NT5DC1: variants seen among roughly 807,000 people sequenced by gnomAD.
NT5DC1 encodes the protein 5'-nucleotidase domain-containing protein 1.
Under a neutral mutation model 59.4 loss-of-function variants are expected in NT5DC1, and 42 were observed. The ratio of observed to expected loss-of-function variants is 0.71; its 90% CI spans 0.55 to 0.92. The LOEUF is 0.92. NT5DC1 is among the 40% of genes least tolerant of loss of function. NT5DC1 has a pLI of 0.00. For synonymous variants in NT5DC1, 172 were observed against 188.1 expected, an observed-to-expected ratio of 0.91 and a Z score of 0.70; for missense variants, 501 against 537.1, an observed-to-expected ratio of 0.93 and a Z score of 0.66.
intron 1 of NT5DC1, among the ~76,000 whole-genome samples, chr6:116,103,861 G>T (rs932547841): frequency 6.6e-6 from 1 of 152,140 alleles, no homozygotes; most frequent in Non-Finnish European, 1.5e-5. Context: ...GTGAGTGGGA[G>T]AGTGGGGTCC....
chr6:116,115,986 A>G (rs1481453397), intron 5 of NT5DC1, among the ~76,000 whole-genome samples: 4 of 152,078 alleles, frequency 2.6e-5, no homozygotes, highest in South Asian at 2.1e-4. Flanking sequence ...AAATAAACCT[A>G]TTCTCCAGCA....
intron 6 of NT5DC1, among the ~76,000 whole-genome samples, chr6:116,160,389 T>A (rs111270010): frequency 4.6e-4 from 70 of 152,308 alleles, no homozygotes; most frequent in African/African-American, 1.7e-3. Context: ...ATTTTCCATA[T>A]GTTTGTTGGT....
intron 6 of NT5DC1, among the ~76,000 whole-genome samples, chr6:116,170,018 G>A (rs778099043): frequency 2.0e-5 from 3 of 152,290 alleles, no homozygotes; most frequent in African/African-American, 4.8e-5. Context: ...TAGAAAGACA[G>A]TTAATTGGCC....
intron 6 of NT5DC1, among the ~76,000 whole-genome samples, chr6:116,172,086 C>T (rs1472334723): frequency 6.6e-6 from 1 of 152,122 alleles, no homozygotes. Context: ...GTGTTTTTTC[C>T]ATCTGTAAGT....
At chr6:116,121,619 G>C in intron 6 of NT5DC1, 1 of 1,613,908 alleles carries the variant, frequency 6.2e-7, no homozygotes. Flanking sequence ...GGGTCCTGGG[G>C]CTCCTGTGGG....
chr6:116,141,885 AACACACAC>A lies in NT5DC1; in HGVS notation c.529+23975_529+23982del, dbSNP rs3051942. 4.9e-3 allele frequency among the ~76,000 whole-genome samples: 688 copies of A among 140,386 alleles called. 2 individuals carry two copies. The highest frequency in any genetic ancestry group is 8.3e-3 in the African/African-American group (311 of 37,466). 92.1% of individuals were successfully genotyped at this position (140,386 alleles called of 152,430 possible). A position where few individuals can be genotyped will look rare whatever the true frequency, so the allele number is the denominator to read the frequency against. ...GTAAAAGATTTTCTGCCAAAAAGAAAACACACACACACACACACACACACACACACACA... is the reference window on the plus strand; with the variant it reads ...GTAAAAGATTTTCTGCCAAAAAGAAAACACACACACACACACACACACACA... On this transcript the variant is annotated intron_variant, in intron 6 of 11. Coordinates refer to ENST00000319550, the MANE Select transcript of NT5DC1 (RefSeq NM_152729.3).
chr6:116,200,025 G>A (rs1395445043), intron 6 of NT5DC1, among the ~76,000 whole-genome samples: 2 of 151,592 alleles, frequency 1.3e-5, no homozygotes, highest in African/African-American at 4.9e-5. Context: ...ACTTTGCAGT[G>A]GGGCAACCTG....
intron 6 of NT5DC1, among the ~76,000 whole-genome samples, chr6:116,180,558 G>GA (rs1285467951): frequency 5.3e-5 from 8 of 152,144 alleles, no homozygotes; most frequent in African/African-American, 1.9e-4. Context: ...CACAAAGAAA[G>GA]AAACATTCAG....
At chr6:116,114,265 C>T (rs1295667244) in intron 4 of NT5DC1, among the ~76,000 whole-genome samples, 2 of 151,756 alleles carry the variant, frequency 1.3e-5, no homozygotes, top group Non-Finnish European at 2.9e-5. Context: ...TTTTTTTATA[C>T]ATTTTAAAAT....
At chr6:116,191,276 C>G (rs915916424) in intron 6 of NT5DC1, among the ~76,000 whole-genome samples, 1 of 152,016 alleles carries the variant, frequency 6.6e-6, no homozygotes, top group African/African-American at 2.4e-5. Flanking sequence ...GGACAAGTTG[C>G]TTCAAGATGC....
At chr6:116,161,336 T>A (rs1780325626) in intron 6 of NT5DC1, among the ~76,000 whole-genome samples, 1 of 151,628 alleles carries the variant, frequency 6.6e-6, no homozygotes, top group Non-Finnish European at 1.5e-5. Flanking sequence ...AAACTTAAAG[T>A]ATAATAATAA....
intron 6 of NT5DC1, among the ~76,000 whole-genome samples, chr6:116,161,011 A>C (rs1286163388): frequency 6.6e-6 from 1 of 152,080 alleles, no homozygotes; most frequent in African/African-American, 2.4e-5. Context: ...CTATGCAGCC[A>C]TAAAAAATGA....
At chr6:116,241,939 CAAAACAAAAAAAAAAAAAAACAAAG>C (rs1411139197) in intron 11 of NT5DC1, among the ~76,000 whole-genome samples, 1 of 12,030 alleles carries the variant, frequency 8.3e-5, no homozygotes, top group East Asian at 0.015. Flanking sequence ...AAAAAAAAAA[CAAAACAAAAAAAAAAAAAAACAAAG>C]AATCAGCAAG....
At chr6:116,187,603 C>T (rs1239586425) in intron 6 of NT5DC1, among the ~76,000 whole-genome samples, 2 of 152,024 alleles carry the variant, frequency 1.3e-5, no homozygotes, top group Non-Finnish European at 2.9e-5. Context: ...ACAGGTACAG[C>T]AGAGCAGTGG....
intron 6 of NT5DC1, among the ~76,000 whole-genome samples, chr6:116,193,687 T>C (rs1781167002): frequency 6.6e-6 from 1 of 152,092 alleles, no homozygotes; most frequent in Admixed American, 6.6e-5. Flanking sequence ...TTTCAAAGCG[T>C]GCTTTAATTT....
chr6:116,103,818 A>C (rs982958795), intron 1 of NT5DC1, among the ~76,000 whole-genome samples: 1 of 152,230 alleles, frequency 6.6e-6, no homozygotes, highest in Non-Finnish European at 1.5e-5. Context: ...TTGCAGACTC[A>C]GAAGTCTGAT....
intron 8 of NT5DC1, among the ~76,000 whole-genome samples, chr6:116,234,744 T>C (rs1782083484): frequency 6.6e-6 from 1 of 152,228 alleles, no homozygotes; most frequent in Non-Finnish European, 1.5e-5. Context: ...AAAGTGTTTA[T>C]TTGGGTTTAT....
chr6:116,150,269 T>A (rs940709628), intron 6 of NT5DC1, among the ~76,000 whole-genome samples: 1 of 151,992 alleles, frequency 6.6e-6, no homozygotes, highest in Non-Finnish European at 1.5e-5. Context: ...GAAAATGGTT[T>A]TTTTTTTATT....
At chr6:116,235,617 A>G (rs1782100721) in intron 8 of NT5DC1, among the ~76,000 whole-genome samples, 1 of 152,254 alleles carries the variant, frequency 6.6e-6, no homozygotes, top group South Asian at 2.1e-4. Context: ...TTGTAGTAGA[A>G]TGAATAAATT....
Sources: gnomAD v4.1 joint callset for allele counts (sites outside exome capture counted in the v4.1 genomes callset) on GRCh38, gnomAD v4.1.1 for gene constraint, MANE v1.5 for transcripts, NCBI Gene and HGNC (gene_info 2026-07-23, HGNC 2026-07-21) for gene names.